ANKRD36C: variants seen among roughly 807,000 people sequenced by gnomAD.
ANKRD36C encodes ankyrin repeat domain 36C.
In ANKRD36C, 61 loss-of-function variants were observed where a neutral mutation model predicts 276.4. That is an observed-to-expected ratio of 0.22 (90% CI 0.18 to 0.27). ANKRD36C has a LOEUF of 0.27. Among genes scored for constraint, ANKRD36C ranks in the 10% least tolerant of loss-of-function variants. The probability of loss-of-function intolerance (pLI) is 1.00; values close to 1 mark genes in which losing one functional copy is unlikely to be tolerated. For synonymous variants in ANKRD36C, 483 were observed against 680.1 expected, an observed-to-expected ratio of 0.71 and a Z score of 4.51; for missense variants, 1,447 against 2,032.3, an observed-to-expected ratio of 0.71 and a Z score of 5.54.
At chr2:95,858,367 T>C (rs1347969740) in intron 61 of ANKRD36C, among the ~76,000 whole-genome samples, 1 of 152,260 alleles carries the variant, frequency 6.6e-6, no homozygotes, top group Non-Finnish European at 1.5e-5. Flanking sequence ...CTAGTTCTCA[T>C]GTTTTTAATT....
intron 1 of ANKRD36C, among the ~76,000 whole-genome samples, 171 bp from the exon 2 acceptor site, chr2:95,987,377 T>C (rs569393476): frequency 6.6e-6 from 1 of 152,274 alleles, no homozygotes; most frequent in Non-Finnish European, 1.5e-5. Context: ...GCCTTGGCTT[T>C]TGGATTCAGT....
intron 22 of ANKRD36C, among the ~76,000 whole-genome samples, chr2:95,938,038 C>T (rs1343907629): frequency 6.6e-6 from 1 of 152,020 alleles, no homozygotes; most frequent in Admixed American, 6.6e-5. Flanking sequence ...AAATATATTC[C>T]ACTGATTACA....
At position 95,879,436 on chromosome 2, in the gene ANKRD36C, C is replaced by T. The variant is rs191876690; in HGVS notation, c.3469+991G>A. Among the ~76,000 whole-genome samples, 1,282 of 151,282 alleles carry T rather than the reference C, an allele frequency of 8.5e-3. 24 individuals are homozygous for T. The highest frequency in any genetic ancestry group is 0.022 in the South Asian group (106 of 4,780). ...CAATAACTTGTCCATTTTAGCATTA[C>T]TGAGGAAGTACAAATTAAAAGACAG... On this transcript the variant is annotated intron_variant, in intron 58 of 66. Coordinates refer to ENST00000456556, the Ensembl canonical transcript of ANKRD36C.
intron 42 of ANKRD36C, among the ~76,000 whole-genome samples, chr2:95,911,830 C>G (rs1195721362): frequency 6.6e-6 from 1 of 151,152 alleles, no homozygotes; most frequent in Non-Finnish European, 1.5e-5. Flanking sequence ...GGGGTCTCCT[C>G]AGTTCTCCTT....
At chr2:95,957,810 C>A (rs993701767) in intron 12 of ANKRD36C, among the ~76,000 whole-genome samples, 1 of 152,228 alleles carries the variant, frequency 6.6e-6, no homozygotes, top group Non-Finnish European at 1.5e-5. Flanking sequence ...CATTAAATTG[C>A]TATTTTATCC....
At chr2:95,946,238 G>C (rs1678046856) in intron 17 of ANKRD36C, among the ~76,000 whole-genome samples, 1 of 150,240 alleles carries the variant, frequency 6.7e-6, no homozygotes, top group South Asian at 2.1e-4. Flanking sequence ...ATTCGAAAGA[G>C]TAATGTATGT....
chr2:95,940,165 CATA>C (rs1677835479), intron 20 of ANKRD36C, among the ~76,000 whole-genome samples: 1 of 19,002 alleles, frequency 5.3e-5, no homozygotes. Flanking sequence ...ACTACAGGCA[CATA>C]CATGCCATCA....
intron 3 of ANKRD36C, among the ~76,000 whole-genome samples, chr2:95,984,728 T>C (rs993557463): frequency 2.1e-4 from 32 of 152,268 alleles, no homozygotes; most frequent in Admixed American, 1.4e-3. Flanking sequence ...AATTAGTTCA[T>C]AGGACTGCTG....
chr2:95,852,381 C>T, intron 64 of ANKRD36C, 185 bp from the exon 85 acceptor site: 1 of 583,006 alleles, frequency 1.7e-6, no homozygotes, highest in East Asian at 3.1e-5. Flanking sequence ...TAGTGGGACA[C>T]TGCTACACCC....
chr2:95,930,279 A>T (rs1450684098), intron 24 of ANKRD36C, among the ~76,000 whole-genome samples: 1 of 151,482 alleles, frequency 6.6e-6, no homozygotes, highest in African/African-American at 2.4e-5. Flanking sequence ...CCCAATGGTA[A>T]CAAAGAGGAG....
chr2:95,884,763 T>C (rs1676163694), intron 52 of ANKRD36C, among the ~76,000 whole-genome samples: 4 of 151,904 alleles, frequency 2.6e-5, no homozygotes, highest in Admixed American at 2.6e-4. Flanking sequence ...TCAAAAGGAT[T>C]TACACCATTA....
At chr2:95,982,811 A>G (rs2104538453) in intron 3 of ANKRD36C, among the ~76,000 whole-genome samples, 1 of 119,548 alleles carries the variant, frequency 8.4e-6, no homozygotes, top group East Asian at 2.3e-4. Flanking sequence ...TAAACTATTA[A>G]TATATTCCAA....
At chr2:95,886,985 G>C (rs1022424897) in intron 50 of ANKRD36C, among the ~76,000 whole-genome samples, 2 of 151,410 alleles carry the variant, frequency 1.3e-5, no homozygotes, top group African/African-American at 2.4e-5. Flanking sequence ...ACTGCTACAA[G>C]TATTGGATAT....
At chr2:95,891,191 C>CTGAA (rs1325393368) in intron 46 of ANKRD36C, among the ~76,000 whole-genome samples, 8 of 150,758 alleles carry the variant, frequency 5.3e-5, no homozygotes, top group Non-Finnish European at 7.4e-5. Context: ...TCTTTTTCCA[C>CTGAA]CTTCCTGCCT....
chr2:95,946,811 A>G (rs1441953313), intron 17 of ANKRD36C, among the ~76,000 whole-genome samples: 3 of 151,896 alleles, frequency 2.0e-5, no homozygotes, highest in African/African-American at 7.3e-5. Context: ...CGCAAGAACA[A>G]AAAACCAAAC....
chr2:95,864,675 G>A (rs1486831782), intron 60 of ANKRD36C, among the ~76,000 whole-genome samples: 1 of 152,194 alleles, frequency 6.6e-6, no homozygotes, highest in East Asian at 1.9e-4. Flanking sequence ...CTGTGGGCCA[G>A]CTTCTTGTCT....
intron 62 of ANKRD36C, 123 bp downstream of exon 82, chr2:95,857,186 T>A (rs1419598133): frequency 1.7e-6 from 2 of 1,207,812 alleles, no homozygotes; most frequent in Non-Finnish European, 2.2e-6. Flanking sequence ...CCATGATTCA[T>A]TTTTAAGATG....
exon 50 of ANKRD36C, chr2:95,887,932 A>G: frequency 6.3e-7 from 1 of 1,589,662 alleles, no homozygotes; most frequent in Non-Finnish European, 8.6e-7. Flanking sequence ...TACCTGTTCC[A>G]GATTGTTGTC....
chr2:95,932,640 T>C (rs60538359), intron 24 of ANKRD36C, among the ~76,000 whole-genome samples: 3,499 of 102,492 alleles, frequency 0.034, no homozygotes, highest in East Asian at 0.081. Flanking sequence ...CCCAAAACCG[T>C]AACAGCTCAG....
Sources: gnomAD v4.1 joint callset for allele counts (sites outside exome capture counted in the v4.1 genomes callset) on GRCh38, gnomAD v4.1.1 for gene constraint, MANE v1.5 for transcripts, NCBI Gene and HGNC (gene_info 2026-07-23, HGNC 2026-07-21) for gene names.